NBAS: variants seen among roughly 807,000 people sequenced by gnomAD.
The protein encoded by NBAS is NBAS subunit of NRZ tethering complex.
NBAS carries 219 observed loss-of-function variants against 302.5 expected under a neutral mutation model. The observed-to-expected ratio is 0.72, with a 90% CI of 0.65 to 0.81. The LOEUF (loss-of-function observed/expected upper bound fraction) is 0.81, where lower values mean the gene tolerates loss of function less well. Ranked by LOEUF, NBAS falls within the 30% of genes least tolerant of loss-of-function variation. The probability of loss-of-function intolerance (pLI) is 0.00; values close to 1 mark genes in which losing one functional copy is unlikely to be tolerated. For missense variants in NBAS, 2,932 were observed against 2,841.6 expected, an observed-to-expected ratio of 1.03 and a Z score of -0.72; for synonymous variants, 1,118 against 1,021.6, an observed-to-expected ratio of 1.09 and a Z score of -1.80.
the NBAS span, among the ~76,000 whole-genome samples, chr2:15,095,146 C>G: frequency 6.6e-6 from 1 of 152,052 alleles, no homozygotes; most frequent in South Asian, 2.1e-4. Flanking sequence ...TATTAAAGAA[C>G]GGCCATTGCA....
chr2:15,366,621 GATTGTTT>G lies in NBAS; in HGVS notation c.3769_3775del (p.Lys1257ProfsTer11), dbSNP rs746439506. The G allele has an allele frequency of 6.2e-7, 1 of 1,614,124 alleles. No homozygotes were observed. Among genetic ancestry groups the G allele is most frequent in the Non-Finnish European group, 8.5e-7 (1 of 1,179,994 alleles). On this transcript the variant is annotated frameshift_variant, in exon 32 of 52. Coordinates refer to ENST00000281513, the MANE Select transcript of NBAS (RefSeq NM_015909.4). LOFTEE classifies it high-confidence loss of function. ...CTCAGCAAGGCCCAGAAGCTTGGTG[GATTGTTT>G]ATAGCATGTGGGGGACTGGGAAATA...
At chr2:15,192,196 G>C (rs1224429870) in intron 48 of NBAS, among the ~76,000 whole-genome samples, 2 of 148,494 alleles carry the variant, frequency 1.3e-5, no homozygotes, top group African/African-American at 4.9e-5. Flanking sequence ...TGCCTTTCTT[G>C]TTCCATAAGA....
At chr2:15,178,068 G>A in intron 51 of NBAS, 1 of 445,168 alleles carries the variant, frequency 2.2e-6, no homozygotes, top group Non-Finnish European at 4.6e-6. Context: ...TATCAGTGAT[G>A]TCTTTTCATC....
intron 21 of NBAS, among the ~76,000 whole-genome samples, chr2:15,440,747 G>A (rs955773995): frequency 3.3e-5 from 5 of 152,116 alleles, no homozygotes; most frequent in Non-Finnish European, 7.4e-5. Context: ...CAAAGAATTT[G>A]AAAACTTTGA....
chr2:15,330,192 T>C (rs1672258793), intron 36 of NBAS, among the ~76,000 whole-genome samples: 1 of 152,210 alleles, frequency 6.6e-6, no homozygotes, highest in Admixed American at 6.5e-5. Flanking sequence ...CTCTACTGCC[T>C]GCCCTGACTG....
intron 12 of NBAS, among the ~76,000 whole-genome samples, chr2:15,487,148 T>G (rs920057088): frequency 1.3e-5 from 2 of 152,168 alleles, no homozygotes; most frequent in African/African-American, 4.8e-5. Context: ...TTTCACCATT[T>G]AGAAAAATGT....
the NBAS span, among the ~76,000 whole-genome samples, chr2:15,117,086 C>T: frequency 1.6e-4 from 24 of 152,064 alleles, no homozygotes; most frequent in Non-Finnish European, 3.2e-4. Context: ...CTTCGCAATA[C>T]GTATCAGATC....
chr2:15,158,389 C>G, the NBAS span, among the ~76,000 whole-genome samples: 1 of 152,216 alleles, frequency 6.6e-6, no homozygotes. Context: ...CTAATGCCAG[C>G]AGACACAAAG....
chr2:15,501,393 T>C (rs1318662744), intron 11 of NBAS, among the ~76,000 whole-genome samples: 1 of 152,126 alleles, frequency 6.6e-6, no homozygotes, highest in African/African-American at 2.4e-5. Context: ...GGACTACTAA[T>C]TATTAATTCT....
the NBAS span, among the ~76,000 whole-genome samples, chr2:14,901,644 A>T: frequency 2.0e-4 from 31 of 152,238 alleles, no homozygotes; most frequent in Non-Finnish European, 3.4e-4. Flanking sequence ...AATAACTTAG[A>T]TTCTTAGGAA....
At chr2:14,911,238 A>C in the NBAS span, among the ~76,000 whole-genome samples, 1 of 152,204 alleles carries the variant, frequency 6.6e-6, no homozygotes, top group African/African-American at 2.4e-5. Context: ...AGCTGCGAAA[A>C]AGTGGAAATT....
chr2:14,898,251 C>T, the NBAS span, among the ~76,000 whole-genome samples: 1 of 152,126 alleles, frequency 6.6e-6, no homozygotes, highest in African/African-American at 2.4e-5. Flanking sequence ...AATGTAAAGC[C>T]TCTCTCTTCC....
At chr2:15,064,459 G>A in the NBAS span, among the ~76,000 whole-genome samples, 7 of 151,896 alleles carry the variant, frequency 4.6e-5, no homozygotes, top group Non-Finnish European at 1.0e-4. Context: ...TACCAAGACT[G>A]AATTATAAAG....
intron 21 of NBAS, among the ~76,000 whole-genome samples, chr2:15,457,538 C>G (rs10084390): frequency 6.6e-6 from 1 of 151,986 alleles, no homozygotes; most frequent in South Asian, 2.1e-4. Flanking sequence ...TTCTTTCTTC[C>G]TCAGTTTAAA....
intron 40 of NBAS, among the ~76,000 whole-genome samples, chr2:15,300,501 T>C (rs900699188): frequency 6.6e-6 from 1 of 152,156 alleles, no homozygotes; most frequent in Admixed American, 6.5e-5. Context: ...ACATCCAACA[T>C]CCAACTATCA....
the NBAS span, among the ~76,000 whole-genome samples, chr2:14,922,130 G>T: frequency 6.6e-6 from 1 of 152,192 alleles, no homozygotes; most frequent in Non-Finnish European, 1.5e-5. Context: ...CTGACCTCTT[G>T]CAGGACCTGA....
At chr2:14,820,758 T>C in the NBAS span, among the ~76,000 whole-genome samples, 1 of 152,102 alleles carries the variant, frequency 6.6e-6, no homozygotes, top group African/African-American at 2.4e-5. Context: ...GTCACTCTCT[T>C]GAGAGTGAAT....
the NBAS span, among the ~76,000 whole-genome samples, chr2:15,125,580 T>G: frequency 6.6e-6 from 1 of 152,174 alleles, no homozygotes; most frequent in Admixed American, 6.5e-5. Context: ...CCAAACCATA[T>G]CACTAATCCT....
the NBAS span, among the ~76,000 whole-genome samples, chr2:15,150,472 T>C: frequency 5.9e-5 from 9 of 152,160 alleles, no homozygotes; most frequent in African/African-American, 1.9e-4. Context: ...TAATAAACAA[T>C]GTTGTGCACC....
Sources: gnomAD v4.1 joint callset for allele counts (sites outside exome capture counted in the v4.1 genomes callset) on GRCh38, gnomAD v4.1.1 for gene constraint, MANE v1.5 for transcripts, NCBI Gene and HGNC (gene_info 2026-07-23, HGNC 2026-07-21) for gene names.